Variants in TXN2 observed in about 807,000 individuals in gnomAD.
The protein encoded by TXN2 is thioredoxin, mitochondrial.
A neutral mutation model predicts 14.6 loss-of-function variants in TXN2; 12 were observed. That is an observed-to-expected ratio of 0.82 (90% CI 0.53 to 1.33). TXN2 has a LOEUF of 1.33. Among genes scored for constraint, TXN2 ranks in the 40% most tolerant of loss-of-function variants. The pLI is 0.00. For synonymous variants in TXN2, 89 were observed against 81.0 expected (o/e 1.10, Z -0.53); for missense variants, 173 against 207.7 (o/e 0.83, Z 1.03).
At chr22:36,480,879 A>T (rs777678855) in intron 1 of TXN2, 42 bp from the exon 2 acceptor site, 2 of 1,512,922 alleles carry the variant, frequency 1.3e-6, no homozygotes, top group Admixed American at 2.3e-5. Flanking sequence ...ACACAAAAGG[A>T]AGTCGACACA....
intron 1 of TXN2, chr22:36,481,190 A>G (rs561905124): frequency 1.7e-5 from 3 of 177,826 alleles, no homozygotes; most frequent in Non-Finnish European, 3.5e-5. Context: ...GGAAGTTGCT[A>G]TTGTACTGCC....
Position 36,467,260 on chromosome 22 carries a change from G to C in TXN2, c.*544C>G, listed in dbSNP as rs953955186. The C allele has an allele frequency of 6.5e-6, 1 of 153,178 alleles. No homozygotes were observed. Among genetic ancestry groups the C allele is most frequent in the African/African-American group, 2.4e-5 (1 of 41,470 alleles). 9.5% of individuals were successfully genotyped at this position (153,178 alleles called of 1,614,324 possible). A position where few individuals can be genotyped will look rare whatever the true frequency, so the allele number is the denominator to read the frequency against. On this transcript the variant is annotated 3_prime_UTR_variant, in exon 4 of 4. Transcript: ENST00000216185. ...GAATGGGTGACTAGAGGGGATTTCA[G>C]TGTGGGACCCAGGGTCTGTTCTTCA...
chr22:36,473,944 T>C (rs559238081), intron 3 of TXN2, among the ~76,000 whole-genome samples: 6 of 152,224 alleles, frequency 3.9e-5, no homozygotes, highest in Non-Finnish European at 8.8e-5. Context: ...TCCCTGCACA[T>C]GGCTGGCCCT....
intron 3 of TXN2, among the ~76,000 whole-genome samples, chr22:36,468,331 G>A (rs1297436540): frequency 6.6e-6 from 1 of 152,240 alleles, no homozygotes; most frequent in Non-Finnish European, 1.5e-5. Context: ...TCACTAGCAA[G>A]GGGGCCTTGG....
At chr22:36,470,169 G>A (rs960469243) in intron 3 of TXN2, among the ~76,000 whole-genome samples, 3 of 152,120 alleles carry the variant, frequency 2.0e-5, no homozygotes, top group African/African-American at 4.8e-5. Context: ...AGGCACGCAG[G>A]CCAGACCATC....
chr22:36,475,696 T>G (rs901741801), intron 3 of TXN2, among the ~76,000 whole-genome samples: 1 of 152,318 alleles, frequency 6.6e-6, no homozygotes, highest in South Asian at 2.1e-4. Context: ...AATACTAGAA[T>G]GTAGACTCCA....
intron 3 of TXN2, among the ~76,000 whole-genome samples, 184 bp from the exon 4 acceptor site, chr22:36,468,101 C>T (rs1483057996): frequency 6.6e-6 from 1 of 152,214 alleles, no homozygotes; most frequent in Non-Finnish European, 1.5e-5. Flanking sequence ...CCGGGGGCCA[C>T]CCGCTGAAGA....
chr22:36,468,834 G>A (rs1933212911), intron 3 of TXN2: 1 of 297,144 alleles, frequency 3.4e-6, no homozygotes, highest in East Asian at 1.3e-4. Context: ...TTGAGGTCAG[G>A]AGTTCGAGAC....
chr22:36,467,735 C>G lies in TXN2; in HGVS notation c.*69G>C, dbSNP rs1933190026. Reference sequence around the variant, plus strand: ...GACAGGAGGGAGGCAGCAGGAAGGGCTGGCATGGAAGGGCTGAGTTCTATT... The same window carrying G: ...GACAGGAGGGAGGCAGCAGGAAGGGGTGGCATGGAAGGGCTGAGTTCTATT... On this transcript the variant is annotated 3_prime_UTR_variant, in exon 4 of 4. Coordinates refer to ENST00000216185, the MANE Select transcript of TXN2 (RefSeq NM_012473.4). The G allele has an allele frequency of 7.5e-7, 1 of 1,341,604 alleles. No individual in the cohort carries two copies. The highest frequency in any genetic ancestry group is 1.7e-5 in the Admixed American group (1 of 59,156). 83.1% of individuals were successfully genotyped at this position (1,341,604 alleles called of 1,614,324 possible).
intron 3 of TXN2, among the ~76,000 whole-genome samples, chr22:36,469,252 C>G (rs149518356): frequency 5.8e-4 from 88 of 152,292 alleles, no homozygotes; most frequent in Non-Finnish European, 1.1e-3. Flanking sequence ...AAAGGCTCAG[C>G]ACAGCGCCCG....
In TXN2 at chr22:36,467,768, C is replaced by G; in HGVS notation, c.*36G>C. The G allele has an allele frequency of 6.4e-7, 1 of 1,569,008 alleles. No homozygotes were observed. The highest frequency in any genetic ancestry group is 1.4e-5 in the African/African-American group (1 of 74,066). ...GAAGGGCTGAGTTCTATTGGGGTCC[C>G]ACGCGGGCAAGGGAACCAGGACTCA... On this transcript the variant is annotated 3_prime_UTR_variant, in exon 4 of 4. Coordinates refer to ENST00000216185, the MANE Select transcript of TXN2 (RefSeq NM_012473.4).
At position 36,468,731 on chromosome 22, in the gene TXN2, A is replaced by G. The variant is rs185565508; in HGVS notation, c.388-814T>C. 1.1e-4 allele frequency: 47 copies of G among 442,022 alleles called. No individual in the cohort carries two copies. The Admixed American group carries it at 1.1e-3, about 11-fold the overall frequency. 27.4% of individuals were successfully genotyped at this position (442,022 alleles called of 1,614,324 possible). ...CAGAGACCCTGCCTCAAAAAAAAAG[A>G]GAAAGATTTGAGTATAAAGCAGAGC... On this transcript the variant is annotated intron_variant, in intron 3 of 3. Coordinates refer to ENST00000216185, the MANE Select transcript of TXN2 (RefSeq NM_012473.4).
At position 36,480,674 on chromosome 22, in the gene TXN2, G is replaced by C. The variant is rs371207531; in HGVS notation, c.164C>G (p.Thr55Arg). The part of the protein sequence containing the change: ...TPNPARTIYT[T>R]RISLTTFNIQ... ...ATTAAAGGTTGTCAAGGAGATCCTC[G>C]TGGTGTATATTGTCCGGGCTGGGTT... Residue 55 changes from threonine to arginine, a missense_variant, in exon 2 of 4, where the codon ACG becomes AGG. By Grantham distance (71) the Thr-to-Arg change is moderately conservative. Coordinates refer to ENST00000216185, the MANE Select transcript of TXN2 (RefSeq NM_012473.4). 1.9e-6 allele frequency: 3 copies of C among 1,614,076 alleles called. No individual in the cohort carries two copies. Among genetic ancestry groups the C allele is most frequent in the Non-Finnish European group, 2.5e-6 (3 of 1,180,054 alleles).
intron 3 of TXN2, among the ~76,000 whole-genome samples, chr22:36,470,857 C>T (rs1020608605): frequency 9.9e-5 from 15 of 151,922 alleles, no homozygotes; most frequent in Admixed American, 6.6e-5. Flanking sequence ...TGCTTGAACA[C>T]GCACAGACCC....
chr22:36,474,051 C>G (rs9619606), intron 3 of TXN2, among the ~76,000 whole-genome samples: 1 of 152,194 alleles, frequency 6.6e-6, no homozygotes, highest in African/African-American at 2.4e-5. Context: ...GAAGCCCACG[C>G]GTGACCTGTG....
Position 36,478,145 on chromosome 22 carries a change from A to G in TXN2, c.264-1289T>C, listed in dbSNP as rs958443435. Among the ~76,000 whole-genome samples the G allele has an allele frequency of 4.6e-5, 7 of 151,680 alleles. 1 individual carries two copies. The East Asian group carries it at 1.3e-3, about 29-fold the overall frequency. ...GAGACTCTGTCTCAAAAAAAAAAAAAAAAAAAAAAGAGAAAGTGTTTTATT... is the reference window on the plus strand; with the variant it reads ...GAGACTCTGTCTCAAAAAAAAAAAAGAAAAAAAAAGAGAAAGTGTTTTATT... On this transcript the variant is annotated intron_variant, in intron 2 of 3. Coordinates refer to ENST00000216185, the MANE Select transcript of TXN2 (RefSeq NM_012473.4).
In TXN2 at chr22:36,480,612, T is replaced by C; in HGVS notation, c.226A>G (p.Asn76Asp). ...TCCACAACCACTGGTGTCTCACTGT[T>C]GACCACTCGGTCTTGAAAGTCAGGT... ...DGPDFQDRVV[N>D]SETPVVVDFH... is the part of the protein sequence containing the mutation. Residue 76 changes from asparagine to aspartate, a missense_variant, in exon 2 of 4, where the codon AAC becomes GAC. Physicochemically the swap from Asn to Asp is conservative, Grantham distance 23. Transcript: ENST00000216185. 1 of 1,614,092 alleles carries C rather than the reference T, an allele frequency of 6.2e-7. No homozygotes were observed. Among genetic ancestry groups the C allele is most frequent in the South Asian group, 1.1e-5 (1 of 91,070 alleles).
intron 1 of TXN2, 75 bp from the exon 2 acceptor site, chr22:36,480,912 C>T: frequency 6.9e-7 from 1 of 1,455,078 alleles, no homozygotes; most frequent in Non-Finnish European, 9.1e-7. Flanking sequence ...TTGGGGAGTA[C>T]TCAGGGCTCA....
Position 36,467,569 on chromosome 22 carries a change from G to C in TXN2, c.*235C>G. On this transcript the variant is annotated 3_prime_UTR_variant, in exon 4 of 4. Transcript: ENST00000216185. ...AACTGCCATAGGCCCTAGAAGGAGG[G>C]ATGAAAGGCGTATGGGAGGGAAGAC... is the stretch of plus-strand genomic sequence containing the variant. 1 of 510,358 alleles carries C rather than the reference G, an allele frequency of 2.0e-6. No homozygotes were observed. The highest frequency in any genetic ancestry group is 3.6e-6 in the Non-Finnish European group (1 of 278,980). 31.6% of individuals were successfully genotyped at this position (510,358 alleles called of 1,614,324 possible).
Sources: allele counts gnomAD v4.1 joint callset (sites outside exome capture counted in the v4.1 genomes callset), GRCh38; gene constraint gnomAD v4.1.1; transcripts MANE v1.5; gene names NCBI Gene and HGNC (gene_info 2026-07-23, HGNC 2026-07-21).